Variants in UBR3 observed in about 807,000 individuals in gnomAD.
The protein encoded by UBR3 is ubiquitin protein ligase E3 component n-recognin 3.
UBR3 carries 85 observed loss-of-function variants against 243.2 expected under a neutral mutation model. That is an observed-to-expected ratio of 0.35 (90% CI 0.29 to 0.42). The LOEUF is 0.42. UBR3 is among the 10% of genes least tolerant of loss of function. The pLI is 1.00. For synonymous variants in UBR3, 748 were observed against 799.8 expected (o/e 0.94, Z 1.09); for missense variants, 1,686 against 2,300.8 (o/e 0.73, Z 5.47).
At chr2:169,898,551 C>T (rs950467601) in intron 8 of UBR3, among the ~76,000 whole-genome samples, 2 of 152,004 alleles carry the variant, frequency 1.3e-5, no homozygotes, top group Non-Finnish European at 2.9e-5. Context: ...GTGGTAAGGC[C>T]GGGTTGTCTA....
At chr2:170,037,569 G>A (rs538740704) in intron 31 of UBR3, among the ~76,000 whole-genome samples, 10 of 152,036 alleles carry the variant, frequency 6.6e-5, no homozygotes, top group African/African-American at 1.9e-4. Context: ...TGTATTTTTA[G>A]TAGAGACAGG....
intron 13 of UBR3, among the ~76,000 whole-genome samples, chr2:169,924,734 T>C (rs1427754806): frequency 6.6e-6 from 1 of 152,150 alleles, no homozygotes; most frequent in Non-Finnish European, 1.5e-5. Context: ...TTAGGAAACA[T>C]AAAATTATGA....
At chr2:170,056,800 A>G (rs2091346681) in intron 33 of UBR3, among the ~76,000 whole-genome samples, 1 of 152,180 alleles carries the variant, frequency 6.6e-6, no homozygotes, top group Non-Finnish European at 1.5e-5. Context: ...ATCATCACAG[A>G]GTTCACTGTG....
intron 32 of UBR3, among the ~76,000 whole-genome samples, chr2:170,044,113 T>C (rs1319656156): frequency 6.6e-6 from 1 of 152,154 alleles, no homozygotes; most frequent in Non-Finnish European, 1.5e-5. Flanking sequence ...GTTATTAATA[T>C]AAATTTTTCT....
chr2:170,081,856 G>T lies in UBR3; in HGVS notation c.*13G>T. On this transcript the variant is annotated 3_prime_UTR_variant, in exon 39 of 39. Coordinates refer to ENST00000272793, the MANE Select transcript of UBR3 (RefSeq NM_172070.4). ...CAATGGGCTGTGACTCTCCACCTCA[G>T]CATTGCATCGTATCATCATTTTCGC... 6.7e-7 allele frequency: 1 copy of T among 1,490,894 alleles called. No homozygotes were observed. Among genetic ancestry groups the T allele is most frequent in the Non-Finnish European group, 9.1e-7 (1 of 1,099,392 alleles). The allele number at this position is 1,490,894 out of a possible 1,614,324, so 92.4% of individuals were successfully genotyped here. A position where few individuals can be genotyped will look rare whatever the true frequency, so the allele number is the denominator to read the frequency against.
At position 169,925,638 on chromosome 2, in the gene UBR3, A is replaced by T; in HGVS notation, c.2042A>T (p.His681Leu). The T allele has an allele frequency of 6.5e-7, 1 of 1,549,838 alleles. No homozygotes were observed. Among genetic ancestry groups the T allele is most frequent in the Non-Finnish European group, 8.7e-7 (1 of 1,146,378 alleles). Residue 681 changes from histidine (H) to leucine (L), a missense_variant, in exon 14 of 39, where the codon CAC (histidine) becomes CTC (leucine). Physicochemically the swap from His to Leu is moderately conservative, Grantham distance 99. Transcript: ENST00000272793. The stretch of plus-strand genomic sequence containing the variant: ...TATTAGGCAAGTCTTGCAGAAATCC[A>T]CAGCAATATGTGGGTAAGAAATGGT... ...LQIQASLAEIHSNMWVRNGLQ... is the reference protein window; with the variant it reads ...LQIQASLAEILSNMWVRNGLQ...
Position 170,015,309 on chromosome 2 carries a change from C to G in UBR3, c.4396C>G (p.Arg1466Gly). Residue 1466 changes from arginine (R) to glycine (G), a missense_variant, in exon 30 of 39, where the codon CGA becomes GGA. Physicochemically the swap from Arg to Gly is moderately radical, Grantham distance 125. Around this residue, in one of 8 missense-constraint regions of UBR3, gnomAD observed 371 missense variants for 422.5 expected, o/e 0.88. Transcript: ENST00000272793. The stretch of plus-strand genomic sequence containing the variant: ...CAATTTAGAACTTGAATTGATTCAT[C>G]GAGGAGGCAATTTGTGTTCAGGTGG... Reference protein sequence around the residue: ...RTNLELELIHRGGNLCSGGAS... With the variant: ...RTNLELELIHGGGNLCSGGAS... 1 of 1,610,512 alleles carries G rather than the reference C, an allele frequency of 6.2e-7. No homozygotes were observed. Among genetic ancestry groups the G allele is most frequent in the Non-Finnish European group, 8.5e-7 (1 of 1,178,146 alleles).
chr2:170,021,960 G>A (rs16857464), intron 30 of UBR3, among the ~76,000 whole-genome samples: 1,773 of 152,192 alleles, frequency 0.012, 49 homozygotes, highest in African/African-American at 0.039. Context: ...GGCTTAGGGC[G>A]AGGCAGCTTC....
At chr2:169,890,542 T>TAGATAGATAG (rs200566939) in intron 5 of UBR3, among the ~76,000 whole-genome samples, 1,368 of 61,870 alleles carry the variant, frequency 0.022, 50 homozygotes, top group Admixed American at 0.031. Context: ...GAGAGAGAGA[T>TAGATAGATAG]ATATATATAT....
chr2:169,893,144 A>C (rs769621419), intron 6 of UBR3, among the ~76,000 whole-genome samples: 1 of 152,206 alleles, frequency 6.6e-6, no homozygotes, highest in Non-Finnish European at 1.5e-5. Flanking sequence ...GACTGACATC[A>C]CCTATTTTAA....
chr2:170,017,838 A>G (rs778721603), intron 30 of UBR3, among the ~76,000 whole-genome samples: 1 of 152,188 alleles, frequency 6.6e-6, no homozygotes, highest in Non-Finnish European at 1.5e-5. Context: ...TGGTATTTTA[A>G]TAATATAATA....
intron 31 of UBR3, among the ~76,000 whole-genome samples, chr2:170,036,711 A>G (rs1018661237): frequency 6.6e-6 from 1 of 152,120 alleles, no homozygotes; most frequent in African/African-American, 2.4e-5. Context: ...GTTTAAAATT[A>G]TATGAATGAT....
At chr2:170,058,422 A>G (rs2091384652) in intron 33 of UBR3, among the ~76,000 whole-genome samples, 1 of 151,594 alleles carries the variant, frequency 6.6e-6, no homozygotes, top group African/African-American at 2.4e-5. Context: ...GGTCAATGGA[A>G]TTTCTGCTAA....
intron 31 of UBR3, among the ~76,000 whole-genome samples, chr2:170,036,228 G>A (rs1293481009): frequency 6.6e-6 from 1 of 152,002 alleles, no homozygotes; most frequent in Non-Finnish European, 1.5e-5. Context: ...GGGGAGTGGG[G>A]ACATCTTTGC....
intron 1 of UBR3, 130 bp downstream of exon 1, chr2:169,828,182 G>C: frequency 8.4e-7 from 1 of 1,186,924 alleles, no homozygotes. Context: ...CAGCCACAGG[G>C]GGATGGAGGT....
intron 20 of UBR3, among the ~76,000 whole-genome samples, chr2:169,943,199 GATTT>G (rs1379152492): frequency 2.0e-5 from 3 of 152,200 alleles, no homozygotes; most frequent in Admixed American, 1.3e-4. Flanking sequence ...ACGTAAGACA[GATTT>G]ATTTGACTAA....
At chr2:169,905,068 T>A (rs1559079182) in intron 8 of UBR3, 46 bp from the exon 9 acceptor site, 3 of 1,405,006 alleles carry the variant, frequency 2.1e-6, no homozygotes, top group African/African-American at 1.5e-5. Flanking sequence ...TTAAGCTTTT[T>A]AAAAAAATCT....
intron 5 of UBR3, among the ~76,000 whole-genome samples, chr2:169,890,569 A>ATATATATATGTATATATATTTG (rs1415148340): frequency 9.8e-6 from 1 of 101,574 alleles, no homozygotes; most frequent in Non-Finnish European, 2.0e-5. Flanking sequence ...ATATATGTGT[A>ATATATATATGTATATATATTTG]TATATATATA....
chr2:169,852,873 AAAAAAC>A (rs1251034524), intron 1 of UBR3, among the ~76,000 whole-genome samples: 1 of 143,320 alleles, frequency 7.0e-6, no homozygotes, highest in Non-Finnish European at 1.6e-5. Context: ...AAAAAAAAAA[AAAAAAC>A]AAAACCAAAC....
Sources: gnomAD v4.1 joint callset for allele counts (sites outside exome capture counted in the v4.1 genomes callset) on GRCh38, gnomAD v4.1.1 for gene constraint, gnomAD v4.1.1 regional missense constraint, MANE v1.5 for transcripts, NCBI Gene and HGNC (gene_info 2026-07-23, HGNC 2026-07-21) for gene names.